CAMKMT: variants seen among roughly 807,000 people sequenced by gnomAD.
The protein encoded by CAMKMT is CaM KMT.
A neutral mutation model predicts 48.0 loss-of-function variants in CAMKMT; 53 were observed. That is an observed-to-expected ratio of 1.10 (90% CI 0.89 to 1.39). The LOEUF (loss-of-function observed/expected upper bound fraction) is 1.39. Ranked by LOEUF, CAMKMT falls within the 40% of genes most tolerant of loss-of-function variation. The pLI, the probability that CAMKMT is intolerant of heterozygous loss-of-function variation, is 0.00. For synonymous variants in CAMKMT, 165 were observed against 152.3 expected (o/e 1.08, Z -0.61); for missense variants, 428 against 402.7 (o/e 1.06, Z -0.54).
Position 44,618,265 on chromosome 2 carries a change from G to A in CAMKMT, c.377-86018G>A, listed in dbSNP as rs1671998799. On this transcript the variant is annotated intron_variant, in intron 3 of 10. Coordinates refer to ENST00000378494, the MANE Select transcript of CAMKMT (RefSeq NM_024766.5). The surrounding 1 kb of genome is among the most constrained non-coding windows in gnomAD (Gnocchi z 4.0). ...ATTGAATTTGACTTAACAGAAGTCA[G>A]AAGACAGCTGAAGCATAAGAGCTTG... Among the ~76,000 whole-genome samples the A allele has an allele frequency of 6.6e-6, 1 of 152,158 alleles. No homozygotes were observed. The highest frequency in any genetic ancestry group is 1.5e-5 in the Non-Finnish European group (1 of 68,028).
At chr2:44,634,323 A>G (rs373386823) in intron 3 of CAMKMT, among the ~76,000 whole-genome samples, 67 of 151,570 alleles carry the variant, frequency 4.4e-4, no homozygotes, top group African/African-American at 1.5e-3. Flanking sequence ...GCTTGTAGTG[A>G]TCTTAAGTCT....
chr2:44,511,340 G>A (rs941034408), intron 3 of CAMKMT, among the ~76,000 whole-genome samples: 5 of 152,184 alleles, frequency 3.3e-5, no homozygotes, highest in African/African-American at 9.7e-5. Context: ...GCAGGCTGGC[G>A]TACAATGGCG....
chr2:44,683,898 A>G (rs1480500860), intron 3 of CAMKMT, among the ~76,000 whole-genome samples: 1 of 152,128 alleles, frequency 6.6e-6, no homozygotes, highest in East Asian at 1.9e-4. Flanking sequence ...TCTCCTGATA[A>G]GTAAACACGA....
chr2:44,484,551 A>G lies in CAMKMT; in HGVS notation c.376+94246A>G, dbSNP rs553017506. 2.6e-5 allele frequency among the ~76,000 whole-genome samples: 4 copies of G among 152,214 alleles called. No individual in the cohort carries two copies. In the South Asian group the frequency reaches 8.3e-4, roughly 32 times the overall value. On this transcript the variant is annotated intron_variant, in intron 3 of 10. Transcript: ENST00000378494. ...AAAAAAAATCATGGTCCTCTACCTC[A>G]TACCATATACAAATATCAATTTCAG...
intron 3 of CAMKMT, among the ~76,000 whole-genome samples, chr2:44,593,693 C>A (rs764358517): frequency 1.3e-5 from 2 of 150,514 alleles, no homozygotes; most frequent in Non-Finnish European, 2.9e-5. Flanking sequence ...GGGAGTAAAT[C>A]TAGTCACTGT....
intron 3 of CAMKMT, among the ~76,000 whole-genome samples, chr2:44,438,779 C>A (rs562108431): frequency 6.6e-6 from 1 of 152,126 alleles, no homozygotes; most frequent in Non-Finnish European, 1.5e-5. Context: ...CTCGCTGCAG[C>A]CTTTGCCTCC....
intron 3 of CAMKMT, among the ~76,000 whole-genome samples, chr2:44,476,074 A>G (rs115026684): frequency 8.1e-4 from 124 of 152,354 alleles, no homozygotes; most frequent in African/African-American, 2.9e-3. Context: ...CAATTTAAAG[A>G]AAAGACTTCT....
At chr2:44,579,588 C>G (rs62131349) in intron 3 of CAMKMT, among the ~76,000 whole-genome samples, 1 of 152,182 alleles carries the variant, frequency 6.6e-6, no homozygotes, top group Non-Finnish European at 1.5e-5. Context: ...AAATCTCACT[C>G]GCATTACTGC....
At chr2:44,720,204 T>C (rs373252016) in intron 7 of CAMKMT, among the ~76,000 whole-genome samples, 221 of 152,314 alleles carry the variant, frequency 1.5e-3, no homozygotes, top group African/African-American at 5.1e-3. Flanking sequence ...GACTTTAAAA[T>C]AGGAGGATGC....
chr2:44,565,809 C>T (rs1024122440), intron 3 of CAMKMT, among the ~76,000 whole-genome samples: 4 of 152,094 alleles, frequency 2.6e-5, no homozygotes, highest in Non-Finnish European at 5.9e-5. Flanking sequence ...AATTACTGGG[C>T]AGGGCACAGG....
chr2:44,745,738 G>A (rs1469635380), intron 8 of CAMKMT, among the ~76,000 whole-genome samples: 2 of 152,064 alleles, frequency 1.3e-5, no homozygotes, highest in East Asian at 1.9e-4. Flanking sequence ...CTCTCACTGC[G>A]ATGCTGATAG....
chr2:44,409,031 C>G (rs912758558), intron 3 of CAMKMT, among the ~76,000 whole-genome samples: 1 of 150,662 alleles, frequency 6.6e-6, no homozygotes, highest in South Asian at 2.1e-4. Flanking sequence ...CATGAGCCAC[C>G]GCACCCAGCC....
At position 44,693,733 on chromosome 2, in the gene CAMKMT, A is replaced by G. The variant is rs73924525; in HGVS notation, c.377-10550A>G. Among the ~76,000 whole-genome samples, 444 of 152,364 alleles carry G rather than the reference A, an allele frequency of 2.9e-3. 2 individuals are homozygous for G. Among genetic ancestry groups the G allele is most frequent in the African/African-American group, 0.01 (425 of 41,590 alleles). On this transcript the variant is annotated intron_variant, in intron 3 of 10. Coordinates refer to ENST00000378494, the MANE Select transcript of CAMKMT (RefSeq NM_024766.5). ...GGATTAAAAGAAAAGGAGACAGAGT[A>G]CAAAGACTGAAATGAGCCCAGGAAG...
chr2:44,735,278 G>T (rs948312511), intron 7 of CAMKMT, among the ~76,000 whole-genome samples: 1 of 152,102 alleles, frequency 6.6e-6, no homozygotes, highest in Admixed American at 6.6e-5. Flanking sequence ...ATGTACTTCG[G>T]TCTAGCTGTT....
chr2:44,430,095 T>C (rs1326692609), intron 3 of CAMKMT, among the ~76,000 whole-genome samples: 1 of 151,992 alleles, frequency 6.6e-6, no homozygotes, highest in Non-Finnish European at 1.5e-5. Context: ...ATGTTTGAGA[T>C]TCTCATGGTG....
At chr2:44,694,425 T>C (rs1676824165) in intron 3 of CAMKMT, among the ~76,000 whole-genome samples, 1 of 151,922 alleles carries the variant, frequency 6.6e-6, no homozygotes, top group Non-Finnish European at 1.5e-5. Flanking sequence ...AATAGAAAAA[T>C]TAGCTGGGTG....
intron 3 of CAMKMT, among the ~76,000 whole-genome samples, chr2:44,659,618 C>T (rs749501754): frequency 1.3e-5 from 2 of 148,906 alleles, no homozygotes; most frequent in African/African-American, 2.5e-5. Flanking sequence ...AAAATAAGAA[C>T]GAAATAATAA....
intron 3 of CAMKMT, among the ~76,000 whole-genome samples, chr2:44,576,327 T>TAAAAAAAAAAAAAAA (rs569571059): frequency 1.3e-5 from 1 of 76,674 alleles, no homozygotes. Flanking sequence ...AAACTCTGTC[T>TAAAAAAAAAAAAAAA]AAAAAAAAAA....
In CAMKMT at chr2:44,410,247, ATTTTTTT is replaced by A. The variant is rs1164693728; in HGVS notation, c.376+19963_376+19969del. Among the ~76,000 whole-genome samples, 123 of 19,490 alleles carry A rather than the reference ATTTTTTT, an allele frequency of 6.3e-3. 10 individuals carry two copies. The Middle Eastern group carries it at 0.33, about 53-fold the overall frequency. The allele number at this position is 19,490 out of a possible 152,430, so 12.8% of individuals were successfully genotyped here. A position where few individuals can be genotyped will look rare whatever the true frequency, so the allele number is the denominator to read the frequency against. On this transcript the variant is annotated intron_variant, in intron 3 of 10. Coordinates refer to ENST00000378494, the MANE Select transcript of CAMKMT (RefSeq NM_024766.5). ...CAGGTATCAGTATATATATATATATATTTTTTTTTTTTTTTTTTTTTTTTTTTGAGAC... is the reference window on the plus strand; with the variant it reads ...CAGGTATCAGTATATATATATATATATTTTTTTTTTTTTTTTTTTTGAGAC...
Sources: allele counts gnomAD v4.1 joint callset (sites outside exome capture counted in the v4.1 genomes callset), GRCh38; gene constraint gnomAD v4.1.1; non-coding constraint Gnocchi (gnomAD v3.1); transcripts MANE v1.5; gene names NCBI Gene and HGNC (gene_info 2026-07-23, HGNC 2026-07-21).